SHANK2: variants seen among roughly 807,000 people sequenced by gnomAD.
The protein encoded by SHANK2 is SH3 and multiple ankyrin repeat domains protein 2.
A neutral mutation model predicts 133.7 loss-of-function variants in SHANK2; 43 were observed. The ratio of observed to expected loss-of-function variants is 0.32; its 90% CI spans 0.25 to 0.41. The LOEUF (loss-of-function observed/expected upper bound fraction) is 0.41. SHANK2 is among the 10% of genes least tolerant of loss of function. The probability of loss-of-function intolerance (pLI) is 1.00; values close to 1 mark genes in which losing one functional copy is unlikely to be tolerated. For missense variants in SHANK2, 1,994 were observed against 2,235.8 expected (o/e 0.89, Z 2.18); for synonymous variants, 1,017 against 952.8 (o/e 1.07, Z -1.24).
chr11:70,711,620 G>A (rs1945786031), intron 14 of SHANK2, among the ~76,000 whole-genome samples: 1 of 152,172 alleles, frequency 6.6e-6, no homozygotes, highest in African/African-American at 2.4e-5. Context: ...CTCCACTCTT[G>A]GGGCCCAGTC....
At chr11:70,922,592 A>G (rs1555080896) in intron 10 of SHANK2, among the ~76,000 whole-genome samples, 1 of 152,214 alleles carries the variant, frequency 6.6e-6, no homozygotes, top group East Asian at 1.9e-4. Flanking sequence ...ATAACTACTG[A>G]TCTAGAACCT....
chr11:70,819,042 C>T (rs1173725634), intron 12 of SHANK2, among the ~76,000 whole-genome samples: 2 of 152,186 alleles, frequency 1.3e-5, no homozygotes, highest in Non-Finnish European at 1.5e-5. Flanking sequence ...CTGCAAGACT[C>T]CCCGCAGCCA....
rs1951695188 is a variant in SHANK2 at position 71,100,159 on chromosome 11, G to C, written c.593-5471C>G. Among the ~76,000 whole-genome samples the C allele has an allele frequency of 3.3e-5, 5 of 152,182 alleles. No homozygotes were observed. In the South Asian group the frequency reaches 1.0e-3, roughly 32 times the overall value. On this transcript the variant is annotated intron_variant, in intron 6 of 25. Transcript: ENST00000601538. ...TGGAGCAACAGGAACTCTCATCATT[G>C]CCAGTAGGAGTGTAAAATGGCGCAG...
chr11:70,848,132 C>T (rs993863288), intron 11 of SHANK2, among the ~76,000 whole-genome samples: 5 of 152,218 alleles, frequency 3.3e-5, no homozygotes, highest in Non-Finnish European at 5.9e-5. Context: ...ACGAAAGGCC[C>T]TCTCAGGACA....
At chr11:71,153,208 A>G (rs2135432977) in intron 2 of SHANK2, among the ~76,000 whole-genome samples, 1 of 150,274 alleles carries the variant, frequency 6.7e-6, no homozygotes, top group African/African-American at 2.4e-5. Flanking sequence ...TTCCCCAGGA[A>G]AAGCCAGTGC....
At chr11:70,529,580 A>G (rs562937015) in intron 17 of SHANK2, among the ~76,000 whole-genome samples, 20 of 152,362 alleles carry the variant, frequency 1.3e-4, no homozygotes, top group African/African-American at 4.6e-4. Context: ...ACGTGGCCTA[A>G]CACTGACCAT....
chr11:71,221,845 G>A (rs576438429), intron 2 of SHANK2, among the ~76,000 whole-genome samples: 11 of 152,220 alleles, frequency 7.2e-5, no homozygotes, highest in African/African-American at 1.9e-4. Context: ...GTAAAATGAC[G>A]CTGCAGCCAT....
At chr11:70,476,903 C>T (rs1157949841) in intron 25 of SHANK2, among the ~76,000 whole-genome samples, 1 of 152,236 alleles carries the variant, frequency 6.6e-6, no homozygotes, top group African/African-American at 2.4e-5. Flanking sequence ...ACCTACCTCA[C>T]GCCTGGGCAG....
rs1948122395 is a variant in SHANK2 at position 70,804,654 on chromosome 11, C to T, written c.1663+2348G>A. On this transcript the variant is annotated intron_variant, in intron 13 of 25. Transcript: ENST00000601538. This position sits in a 1 kb window ranked among gnomAD's most constrained non-coding sequence, Gnocchi z 4.1. Reference sequence around the variant, plus strand: ...CCAGTCCTGGGGCCTGGATAGGAGTCACGTGACCTCCCTTCTTTCCTTTGT... The same window carrying T: ...CCAGTCCTGGGGCCTGGATAGGAGTTACGTGACCTCCCTTCTTTCCTTTGT... 6.6e-6 allele frequency among the ~76,000 whole-genome samples: 1 copy of T among 152,154 alleles called. No homozygotes were observed. Among genetic ancestry groups the T allele is most frequent in the African/African-American group, 2.4e-5 (1 of 41,430 alleles).
chr11:70,719,774 G>A lies in SHANK2; in HGVS notation c.1778-21011C>T, dbSNP rs151129589. Among the ~76,000 whole-genome samples the A allele has an allele frequency of 2.1e-4, 31 of 151,130 alleles. No homozygotes were observed. The East Asian group carries it at 4.7e-3, about 23-fold the overall frequency. On this transcript the variant is annotated intron_variant, in intron 14 of 25. Coordinates refer to ENST00000601538, the MANE Select transcript of SHANK2 (RefSeq NM_012309.5). ...GCTCCCCTGCTCCAGCATTTGACAC[G>A]GCAGCACACGAGATCCTCTTGTCCC...
chr11:70,590,463 A>G (rs2060306942), intron 17 of SHANK2, among the ~76,000 whole-genome samples: 1 of 152,252 alleles, frequency 6.6e-6, no homozygotes, highest in Admixed American at 6.5e-5. Context: ...TGCATGCTAC[A>G]GAGACACCTT....
chr11:70,848,540 C>G (rs1949034252), intron 11 of SHANK2, among the ~76,000 whole-genome samples: 1 of 152,156 alleles, frequency 6.6e-6, no homozygotes, highest in Non-Finnish European at 1.5e-5. Context: ...CTTAAAGGCC[C>G]TAAAGTGCAC....
chr11:70,490,495 C>T (rs2058871884), intron 22 of SHANK2, 108 bp from the exon 23 acceptor site: 1 of 945,814 alleles, frequency 1.1e-6, no homozygotes, highest in East Asian at 2.4e-5. Context: ...CTTCCCCAAG[C>T]TGCTTCTGGA....
At chr11:71,127,254 C>A (rs1555102866) in intron 3 of SHANK2, among the ~76,000 whole-genome samples, 1 of 152,108 alleles carries the variant, frequency 6.6e-6, no homozygotes, top group Non-Finnish European at 1.5e-5. Flanking sequence ...GAAGTGGTTT[C>A]CCGAGATGCA....
chr11:70,492,954 C>T (rs1487150228), intron 21 of SHANK2, among the ~76,000 whole-genome samples: 2 of 151,802 alleles, frequency 1.3e-5, no homozygotes, highest in Admixed American at 6.6e-5. Flanking sequence ...TGCCACTACG[C>T]CCAGCTAATT....
intron 3 of SHANK2, among the ~76,000 whole-genome samples, chr11:71,128,077 C>G (rs1415492041): frequency 1.3e-5 from 2 of 152,226 alleles, no homozygotes; most frequent in Non-Finnish European, 2.9e-5. Context: ...GGTGGGAACA[C>G]AAGGAGCTGC....
intron 10 of SHANK2, among the ~76,000 whole-genome samples, chr11:70,896,843 T>C (rs1555075807): frequency 1.3e-5 from 2 of 152,078 alleles, no homozygotes; most frequent in African/African-American, 2.4e-5. Flanking sequence ...AAATTACCCA[T>C]AGAGCAGCTG....
At chr11:71,078,754 C>A (rs937949831) in intron 8 of SHANK2, among the ~76,000 whole-genome samples, 96 of 152,338 alleles carry the variant, frequency 6.3e-4, no homozygotes, top group Non-Finnish European at 8.8e-4. Flanking sequence ...GAAGTTACCA[C>A]CCTTTTCCTA....
intron 1 of SHANK2, among the ~76,000 whole-genome samples, chr11:71,239,913 T>A (rs1416838968): frequency 3.3e-5 from 5 of 152,172 alleles, no homozygotes; most frequent in African/African-American, 7.2e-5. Context: ...AGGCTACGTC[T>A]CGCAGGGCGT....
Sources: gnomAD v4.1 joint callset for allele counts (sites outside exome capture counted in the v4.1 genomes callset) on GRCh38, gnomAD v4.1.1 for gene constraint, Gnocchi (gnomAD v3.1) non-coding constraint, MANE v1.5 for transcripts, NCBI Gene and HGNC (gene_info 2026-07-23, HGNC 2026-07-21) for gene names.